SLC25A21: variants seen among roughly 807,000 people sequenced by gnomAD.
SLC25A21 encodes mitochondrial 2-oxodicarboxylate carrier.
In SLC25A21, 47 loss-of-function variants were observed where a neutral mutation model predicts 43.8. The observed-to-expected ratio is 1.07, with a 90% CI of 0.85 to 1.37. SLC25A21 has a LOEUF of 1.37. Ranked by LOEUF, SLC25A21 falls within the 40% of genes most tolerant of loss-of-function variation. The pLI, the probability that SLC25A21 is intolerant of heterozygous loss-of-function variation, is 0.00. For synonymous variants in SLC25A21, 131 were observed against 121.3 expected (o/e 1.08, Z -0.52); for missense variants, 352 against 350.2 (o/e 1.00, Z -0.04).
intron 1 of SLC25A21, among the ~76,000 whole-genome samples, chr14:37,067,585 C>T (rs1962086616): frequency 6.6e-6 from 1 of 152,062 alleles, no homozygotes; most frequent in Admixed American, 6.6e-5. Context: ...GATGGAAAAT[C>T]TGAGATGCAA....
intron 1 of SLC25A21, among the ~76,000 whole-genome samples, chr14:36,903,103 G>A (rs1017985648): frequency 1.7e-4 from 26 of 152,224 alleles, no homozygotes; most frequent in African/African-American, 5.8e-4. Context: ...AATTTAAACA[G>A]AGTGTAGAAG....
chr14:37,157,426 AATAGTAAGAGGAAC>A (rs1447612979), intron 1 of SLC25A21, among the ~76,000 whole-genome samples: 1 of 152,186 alleles, frequency 6.6e-6, no homozygotes, highest in African/African-American at 2.4e-5. Context: ...ATTAGAAATC[AATAGTAAGAGGAAC>A]TTTTGAAACT....
intron 7 of SLC25A21, among the ~76,000 whole-genome samples, chr14:36,702,713 C>G (rs989211948): frequency 2.0e-5 from 3 of 152,084 alleles, no homozygotes; most frequent in Middle Eastern, 3.2e-3. Context: ...AAGAGAGGAG[C>G]AATGCTGATG....
At chr14:37,048,105 T>C (rs974253512) in intron 1 of SLC25A21, among the ~76,000 whole-genome samples, 1 of 152,178 alleles carries the variant, frequency 6.6e-6, no homozygotes, top group Non-Finnish European at 1.5e-5. Context: ...AGCTCTTCCA[T>C]TGTTTACAAT....
chr14:36,814,463 C>G (rs1045057798), intron 2 of SLC25A21, among the ~76,000 whole-genome samples: 3 of 152,090 alleles, frequency 2.0e-5, no homozygotes, highest in African/African-American at 7.2e-5. Flanking sequence ...GGAACTGAAA[C>G]AAATTTACAA....
chr14:37,046,942 A>G (rs1412684490), intron 1 of SLC25A21, among the ~76,000 whole-genome samples: 1 of 152,178 alleles, frequency 6.6e-6, no homozygotes, highest in Non-Finnish European at 1.5e-5. Flanking sequence ...TACAAACCAA[A>G]CAGGACAATG....
chr14:36,833,744 A>T (rs1024671441), intron 2 of SLC25A21, among the ~76,000 whole-genome samples: 2 of 152,220 alleles, frequency 1.3e-5, no homozygotes, highest in African/African-American at 4.8e-5. Flanking sequence ...CAGCCATGAG[A>T]ACACCAAAAT....
In SLC25A21 at chr14:37,085,476, T is replaced by G. The variant is rs1962466818; in HGVS notation, c.70+86805A>C. Among the ~76,000 whole-genome samples the G allele has an allele frequency of 2.6e-5, 4 of 152,358 alleles. No individual in the cohort carries two copies. The South Asian group carries it at 8.3e-4, about 32-fold the overall frequency. Reference sequence around the variant, plus strand: ...ATAAAAGTTTATATAATTTTATCTTTGTGCATAATTTCTGTTTTTCTCATC... The same window carrying G: ...ATAAAAGTTTATATAATTTTATCTTGGTGCATAATTTCTGTTTTTCTCATC... On this transcript the variant is annotated intron_variant, in intron 1 of 9. Coordinates refer to ENST00000331299, the MANE Select transcript of SLC25A21 (RefSeq NM_030631.4).
At chr14:37,027,417 T>C (rs1313868582) in intron 1 of SLC25A21, among the ~76,000 whole-genome samples, 5 of 152,152 alleles carry the variant, frequency 3.3e-5, no homozygotes, top group Non-Finnish European at 7.3e-5. Context: ...GGCATTGACC[T>C]CAGAAGACTA....
At chr14:36,970,541 C>G (rs1959726539) in intron 1 of SLC25A21, among the ~76,000 whole-genome samples, 2 of 152,112 alleles carry the variant, frequency 1.3e-5, no homozygotes, top group Admixed American at 6.5e-5. Context: ...GGAATTAAGT[C>G]AACAATTACC....
intron 2 of SLC25A21, among the ~76,000 whole-genome samples, chr14:36,866,734 C>A (rs1256810414): frequency 6.6e-6 from 1 of 152,108 alleles, no homozygotes; most frequent in Non-Finnish European, 1.5e-5. Context: ...GACCTCTAGC[C>A]CCATGTGGCT....
intron 1 of SLC25A21, among the ~76,000 whole-genome samples, chr14:36,886,059 CTG>C (rs1388896260): frequency 6.6e-6 from 1 of 152,170 alleles, no homozygotes; most frequent in East Asian, 1.9e-4. Context: ...TGGTTTCAAA[CTG>C]TGCAGATTTC....
At chr14:36,768,942 A>C (rs1886514104) in intron 3 of SLC25A21, among the ~76,000 whole-genome samples, 2 of 147,116 alleles carry the variant, frequency 1.4e-5, no homozygotes, top group Admixed American at 6.9e-5. Context: ...CCAAAAAAAA[A>C]AAAAACAAAA....
intron 3 of SLC25A21, among the ~76,000 whole-genome samples, chr14:36,809,946 A>T (rs934070056): frequency 6.6e-6 from 1 of 152,180 alleles, no homozygotes; most frequent in African/African-American, 2.4e-5. Context: ...TTCTTTAACT[A>T]GGGAAAAAAA....
chr14:36,690,159 G>T (rs1030118562), intron 7 of SLC25A21, among the ~76,000 whole-genome samples: 1 of 152,112 alleles, frequency 6.6e-6, no homozygotes, highest in Non-Finnish European at 1.5e-5. Context: ...CAGCATTTCT[G>T]CTGATAACCA....
chr14:36,780,266 CT>C (rs1338815500), intron 3 of SLC25A21, among the ~76,000 whole-genome samples: 2 of 151,594 alleles, frequency 1.3e-5, no homozygotes, highest in African/African-American at 4.8e-5. Flanking sequence ...TTTTGTTTAT[CT>C]TTTCAAAAAA....
chr14:36,930,645 C>T lies in SLC25A21; in HGVS notation c.71-55641G>A, dbSNP rs138699156. On this transcript the variant is annotated intron_variant, in intron 1 of 9. Coordinates refer to ENST00000331299, the MANE Select transcript of SLC25A21 (RefSeq NM_030631.4). ...CCCAAACTCACATCTATAGTGTACA[C>T]CACAACCATAATAATCTTTTCACAG... Among the ~76,000 whole-genome samples the T allele has an allele frequency of 1.1e-4, 16 of 152,200 alleles. No homozygotes were observed. In the East Asian group the frequency reaches 2.9e-3, roughly 28 times the overall value.
chr14:36,994,850 T>C (rs1294854901), intron 1 of SLC25A21, among the ~76,000 whole-genome samples: 2 of 152,200 alleles, frequency 1.3e-5, no homozygotes, highest in Non-Finnish European at 2.9e-5. Context: ...CAACATTATT[T>C]AGCTCTTGAA....
intron 1 of SLC25A21, among the ~76,000 whole-genome samples, chr14:36,949,531 C>A (rs1380767865): frequency 2.0e-5 from 3 of 152,166 alleles, no homozygotes; most frequent in Non-Finnish European, 2.9e-5. Context: ...GAATTCTCCA[C>A]CTTGTCCCCT....
Sources: gnomAD v4.1 joint callset for allele counts (sites outside exome capture counted in the v4.1 genomes callset) on GRCh38, gnomAD v4.1.1 for gene constraint, MANE v1.5 for transcripts, NCBI Gene and HGNC (gene_info 2026-07-23, HGNC 2026-07-21) for gene names.